FRMD3: variants seen among roughly 807,000 people sequenced by gnomAD.
The protein encoded by FRMD3 is FERM domain containing 3.
In FRMD3, 33 loss-of-function variants were observed where a neutral mutation model predicts 70.2. The ratio of observed to expected loss-of-function variants is 0.47; its 90% CI spans 0.36 to 0.63. The LOEUF is 0.63. Among genes scored for constraint, FRMD3 ranks in the 20% least tolerant of loss-of-function variants. The pLI is 0.00. For missense variants in FRMD3, 632 were observed against 711.4 expected (o/e 0.89, Z 1.27); for synonymous variants, 279 against 255.9 (o/e 1.09, Z -0.86).
intron 1 of FRMD3, among the ~76,000 whole-genome samples, chr9:83,445,364 A>G (rs1827427573): frequency 6.6e-6 from 1 of 150,934 alleles, no homozygotes; most frequent in African/African-American, 2.4e-5. Context: ...ATAGATAGAT[A>G]GATAGATAGA....
At chr9:83,353,210 T>C (rs1824221003) in intron 3 of FRMD3, among the ~76,000 whole-genome samples, 2 of 141,974 alleles carry the variant, frequency 1.4e-5, no homozygotes, top group South Asian at 2.2e-4. Context: ...GATCCAGGAG[T>C]AGTGCCAGAG....
At chr9:83,494,072 C>T (rs1828887688) in intron 1 of FRMD3, among the ~76,000 whole-genome samples, 1 of 152,222 alleles carries the variant, frequency 6.6e-6, no homozygotes, top group Admixed American at 6.5e-5. Flanking sequence ...ACTATCCTAG[C>T]CTCCTCCGTA....
At chr9:83,422,198 C>G (rs1826666953) in intron 1 of FRMD3, among the ~76,000 whole-genome samples, 1 of 146,366 alleles carries the variant, frequency 6.8e-6, no homozygotes, top group Non-Finnish European at 1.5e-5. Flanking sequence ...GCACTCCAGC[C>G]TGGGCAGCAG....
the FRMD3 span, among the ~76,000 whole-genome samples, chr9:83,555,738 C>T: frequency 6.6e-6 from 1 of 152,200 alleles, no homozygotes; most frequent in African/African-American, 2.4e-5. Context: ...TGCAGGAAAG[C>T]CCAAGTATCT....
chr9:83,243,100 G>T (rs1587598583), downstream of FRMD3: 1 of 1,186,120 alleles, frequency 8.4e-7, no homozygotes. Context: ...AGCCCACTGG[G>T]TGGGGCCCAC....
chr9:83,446,202 C>T (rs1276895985), intron 1 of FRMD3, among the ~76,000 whole-genome samples: 3 of 152,152 alleles, frequency 2.0e-5, no homozygotes, highest in East Asian at 1.9e-4. Context: ...GCCGGGCCAG[C>T]CCCCGGCCTC....
intron 10 of FRMD3, among the ~76,000 whole-genome samples, chr9:83,301,105 C>T (rs1359218623): frequency 2.6e-5 from 4 of 152,154 alleles, no homozygotes; most frequent in South Asian, 4.1e-4. Context: ...TGGTACAGGA[C>T]CCCTGAGGAC....
At chr9:83,465,813 A>G (rs1828111164) in intron 1 of FRMD3, among the ~76,000 whole-genome samples, 1 of 152,186 alleles carries the variant, frequency 6.6e-6, no homozygotes, top group South Asian at 2.1e-4. Context: ...TTTTCCATTG[A>G]ATCAATTGGA....
At chr9:83,450,230 GAC>G (rs954614825) in intron 1 of FRMD3, among the ~76,000 whole-genome samples, 72 of 141,752 alleles carry the variant, frequency 5.1e-4, no homozygotes, top group South Asian at 9.0e-4. Context: ...CACACACACA[GAC>G]ACACACACAC....
At chr9:83,248,661 G>A (rs138233196) in intron 13 of FRMD3, 145 bp from the exon 14 acceptor site, 39 of 886,326 alleles carry the variant, frequency 4.4e-5, no homozygotes, top group East Asian at 1.3e-4. Flanking sequence ...TAACAAAGTC[G>A]TATTATAGTA....
chr9:83,577,206 T>C, the FRMD3 span, among the ~76,000 whole-genome samples: 4 of 151,996 alleles, frequency 2.6e-5, no homozygotes, highest in East Asian at 3.9e-4. Context: ...ACTTTTTTTT[T>C]CCAGAAACTG....
chr9:83,513,523 A>G (rs1384956519), intron 1 of FRMD3, among the ~76,000 whole-genome samples: 1 of 152,266 alleles, frequency 6.6e-6, no homozygotes. Context: ...ATCAATAATT[A>G]CAAGTTTGAA....
chr9:83,388,622 C>G (rs1825578397), intron 2 of FRMD3, among the ~76,000 whole-genome samples: 1 of 152,110 alleles, frequency 6.6e-6, no homozygotes, highest in Non-Finnish European at 1.5e-5. Flanking sequence ...TATACCAGCT[C>G]AAAAGGTAAG....
chr9:83,387,189 C>G (rs7870804), intron 2 of FRMD3, among the ~76,000 whole-genome samples: 48,476 of 151,922 alleles, frequency 0.32, 7,884 homozygotes, highest in African/African-American at 0.38. Flanking sequence ...ATTGTGTATG[C>G]TGATTTTCTA....
At chr9:83,404,066 A>ATG (rs1826029318) in intron 1 of FRMD3, among the ~76,000 whole-genome samples, 1 of 109,276 alleles carries the variant, frequency 9.2e-6, no homozygotes, top group Non-Finnish European at 1.8e-5. Flanking sequence ...CTGCATACAC[A>ATG]CGCACACACA....
At chr9:83,309,685 GTTTT>G in intron 9 of FRMD3, 61 bp from the exon 10 acceptor site, 1 of 874,510 alleles carries the variant, frequency 1.1e-6, no homozygotes, top group Non-Finnish European at 1.7e-6. Context: ...TTTTCCATGG[GTTTT>G]TTTTTTTCAG....
intron 1 of FRMD3, among the ~76,000 whole-genome samples, chr9:83,431,172 G>A (rs186193743): frequency 9.2e-5 from 14 of 152,262 alleles, no homozygotes; most frequent in South Asian, 6.2e-4. Flanking sequence ...GTCCAATAGC[G>A]TGGATGTTTG....
chr9:83,466,399 T>G (rs1828127715), intron 1 of FRMD3, among the ~76,000 whole-genome samples: 1 of 152,230 alleles, frequency 6.6e-6, no homozygotes, highest in South Asian at 2.1e-4. Flanking sequence ...AAATTTCTGC[T>G]GTAAACAGAA....
chr9:83,358,445 AT>A (rs1394385235), intron 3 of FRMD3, among the ~76,000 whole-genome samples: 1 of 151,944 alleles, frequency 6.6e-6, no homozygotes, highest in African/African-American at 2.4e-5. Flanking sequence ...GGTTTTTAGA[AT>A]TGTTTTTTCT....
Sources: gnomAD v4.1 joint callset for allele counts (sites outside exome capture counted in the v4.1 genomes callset) on GRCh38, gnomAD v4.1.1 for gene constraint, MANE v1.5 for transcripts, NCBI Gene and HGNC (gene_info 2026-07-23, HGNC 2026-07-21) for gene names.